Variants in SMIM35 observed in about 807,000 individuals in gnomAD.
SMIM35 encodes the protein small integral membrane protein 35, also known as TMPRSS4 antisense RNA 1 (non-protein coding).
chr11:118,069,103 TGTGAATGCCA>T (rs1295709827), intron 1 of SMIM35, among the ~76,000 whole-genome samples: 1 of 152,202 alleles, frequency 6.6e-6, no homozygotes, highest in Non-Finnish European at 1.5e-5. Flanking sequence ...CAGCAGCATC[TGTGAATGCCA>T]GCACCCCAGC....
chr11:118,025,850 G>C, intron 1 of SMIM35: 2 of 439,152 alleles, frequency 4.6e-6, no homozygotes, highest in South Asian at 3.3e-5. Flanking sequence ...TGGAAACTTA[G>C]TCATAAATTC....
intron 1 of SMIM35, among the ~76,000 whole-genome samples, chr11:118,030,543 GCCCAGCCGCCATT>G (rs912901720): frequency 6.6e-6 from 1 of 152,146 alleles, no homozygotes; most frequent in African/African-American, 2.4e-5. Flanking sequence ...TCTTTCTTGG[GCCCAGCCGCCATT>G]GGTGGTGGAG....
At chr11:118,081,394 G>C (rs1280016308) in intron 1 of SMIM35, among the ~76,000 whole-genome samples, 1 of 152,178 alleles carries the variant, frequency 6.6e-6, no homozygotes, top group East Asian at 1.9e-4. Context: ...CCACCTCCCA[G>C]CCTGCCACTC....
At chr11:118,041,645 G>C (rs559535008) in intron 1 of SMIM35, among the ~76,000 whole-genome samples, 1 of 152,282 alleles carries the variant, frequency 6.6e-6, no homozygotes, top group South Asian at 2.1e-4. Flanking sequence ...ACCAAAACTT[G>C]TGGGATGCAA....
intron 1 of SMIM35, among the ~76,000 whole-genome samples, chr11:118,024,470 C>T (rs1006341034): frequency 6.6e-6 from 1 of 151,922 alleles, no homozygotes; most frequent in Non-Finnish European, 1.5e-5. Flanking sequence ...TTGTTTTGTT[C>T]TGTTTTGTTT....
intron 1 of SMIM35, among the ~76,000 whole-genome samples, chr11:118,050,199 G>A (rs914843792): frequency 2.0e-5 from 3 of 152,228 alleles, no homozygotes; most frequent in Non-Finnish European, 2.9e-5. Flanking sequence ...TGTATACCTC[G>A]TGCTATTGCT....
chr11:118,079,638 AC>A (rs1479699350), intron 1 of SMIM35, among the ~76,000 whole-genome samples: 2 of 152,022 alleles, frequency 1.3e-5, no homozygotes, highest in Non-Finnish European at 2.9e-5. Context: ...CCTGAGGTCA[AC>A]CCCCTGACGC....
chr11:118,070,913 G>C (rs886323437), intron 1 of SMIM35, among the ~76,000 whole-genome samples: 1 of 152,144 alleles, frequency 6.6e-6, no homozygotes, highest in Non-Finnish European at 1.5e-5. Flanking sequence ...TAGGGCAAAA[G>C]GCCTAGGCAT....
chr11:118,051,174 CT>C (rs1427900657), intron 1 of SMIM35, among the ~76,000 whole-genome samples: 1 of 152,170 alleles, frequency 6.6e-6, no homozygotes, highest in Non-Finnish European at 1.5e-5. Flanking sequence ...AGAAACTATC[CT>C]ATCCAGTTTT....
chr11:118,086,001 A>G (rs1327112104), intron 1 of SMIM35, among the ~76,000 whole-genome samples: 2 of 152,242 alleles, frequency 1.3e-5, no homozygotes, highest in African/African-American at 4.8e-5. Context: ...GCACTGCAGT[A>G]AACAGCAGCA....
chr11:118,078,952 G>C (rs1018795845), intron 1 of SMIM35, among the ~76,000 whole-genome samples: 1 of 152,158 alleles, frequency 6.6e-6, no homozygotes, highest in African/African-American at 2.4e-5. Flanking sequence ...CAGATGTAAG[G>C]ACTTAGGACT....
intron 4 of SMIM35, among the ~76,000 whole-genome samples, chr11:118,008,463 G>A (rs1448042257): frequency 4.6e-5 from 7 of 152,298 alleles, no homozygotes; most frequent in African/African-American, 1.7e-4. Flanking sequence ...CCACTGGCAT[G>A]GGACAAGACC....
chr11:118,045,783 A>G (rs1483373099), intron 1 of SMIM35, among the ~76,000 whole-genome samples: 51 of 152,224 alleles, frequency 3.4e-4, no homozygotes, highest in Non-Finnish European at 7.3e-5. Context: ...ATAATGAATG[A>G]ACAGACAGCA....
At chr11:118,060,609 C>T (rs898169465) in intron 1 of SMIM35, among the ~76,000 whole-genome samples, 2 of 152,142 alleles carry the variant, frequency 1.3e-5, no homozygotes, top group Admixed American at 6.5e-5. Context: ...TTCTTCTAGG[C>T]TTAGCATCCT....
chr11:118,043,712 A>G (rs770504951), intron 1 of SMIM35, among the ~76,000 whole-genome samples: 2 of 151,804 alleles, frequency 1.3e-5, no homozygotes, highest in Non-Finnish European at 2.9e-5. Flanking sequence ...CGGGAGGCTG[A>G]GGCAGGAGAA....
intron 1 of SMIM35, among the ~76,000 whole-genome samples, chr11:118,079,975 G>A (rs892645767): frequency 6.6e-6 from 1 of 152,136 alleles, no homozygotes; most frequent in Non-Finnish European, 1.5e-5. Context: ...TTGCCACCTG[G>A]GTGACAGGGC....
chr11:118,073,674 G>A (rs1944609935), intron 1 of SMIM35, among the ~76,000 whole-genome samples: 1 of 152,212 alleles, frequency 6.6e-6, no homozygotes, highest in Non-Finnish European at 1.5e-5. Context: ...GGAGCAGCCG[G>A]GTGCCTGCCT....
chr11:118,022,139 A>C (rs1172793746), intron 1 of SMIM35, among the ~76,000 whole-genome samples: 1 of 148,986 alleles, frequency 6.7e-6, no homozygotes, highest in African/African-American at 2.5e-5. Flanking sequence ...TCCCTGGTTC[A>C]AGTGAGGTTC....
At chr11:118,019,557 G>C (rs1436716285) in intron 1 of SMIM35, among the ~76,000 whole-genome samples, 2 of 152,152 alleles carry the variant, frequency 1.3e-5, no homozygotes, top group African/African-American at 4.8e-5. Flanking sequence ...TTTGGCTGTG[G>C]TTTGCCTCTT....
Sources: allele counts gnomAD v4.1 joint callset (sites outside exome capture counted in the v4.1 genomes callset), GRCh38; gene constraint gnomAD v4.1.1; transcripts MANE v1.5; gene names NCBI Gene and HGNC (gene_info 2026-07-23, HGNC 2026-07-21).